The following CDYL variants were observed in gnomAD, a reference collection of about 807,000 sequenced individuals.
CDYL encodes chromodomain Y like, also known as chromodomain Y-like protein.
CDYL carries 8 observed loss-of-function variants against 47.3 expected under a neutral mutation model. The ratio of observed to expected loss-of-function variants is 0.17; its 90% confidence interval spans 0.10 to 0.31. CDYL has a LOEUF of 0.31. CDYL is among the 10% of genes least tolerant of loss of function. The pLI, the probability that CDYL is intolerant of heterozygous loss-of-function variation, is 1.00. For missense variants in CDYL, 471 were observed against 701.4 expected (o/e 0.67, Z 3.71); for synonymous variants, 266 against 265.0 (o/e 1.00, Z -0.04).
At chr6:4,859,970 C>T (rs1055482814) in intron 1 of CDYL, among the ~76,000 whole-genome samples, 5 of 151,128 alleles carry the variant, frequency 3.3e-5, no homozygotes, top group East Asian at 1.9e-4. Flanking sequence ...GGCGCAATCT[C>T]GGCTCACTGC....
intron 2 of CDYL, among the ~76,000 whole-genome samples, chr6:4,910,089 G>A (rs1452713439): frequency 2.6e-5 from 4 of 151,284 alleles, no homozygotes. Context: ...AGCACAGACG[G>A]CACTTCCTGG....
At chr6:4,865,496 T>C (rs1445368913) in intron 1 of CDYL, among the ~76,000 whole-genome samples, 1 of 152,196 alleles carries the variant, frequency 6.6e-6, no homozygotes, top group Non-Finnish European at 1.5e-5. Flanking sequence ...ATTGCCTTGC[T>C]CAGAAAAGGA....
intron 1 of CDYL, among the ~76,000 whole-genome samples, chr6:4,837,957 A>T (rs1406830281): frequency 6.2e-5 from 9 of 145,398 alleles, no homozygotes; most frequent in African/African-American, 1.3e-4. Context: ...TTTTTTTTTT[A>T]AATAGAGATG....
exon 1 of CDYL, chr6:4,706,189 T>C (rs1757042633): frequency 6.6e-6 from 1 of 152,060 alleles, no homozygotes; most frequent in South Asian, 2.1e-4. Flanking sequence ...CCTAAGGACA[T>C]TCCCGGAAGG....
At chr6:4,878,455 T>G (rs1299393089) in intron 1 of CDYL, among the ~76,000 whole-genome samples, 2 of 151,876 alleles carry the variant, frequency 1.3e-5, no homozygotes, top group African/African-American at 4.8e-5. Flanking sequence ...ATATACAATT[T>G]TATATGTGTA....
intron 2 of CDYL, among the ~76,000 whole-genome samples, chr6:4,898,966 A>G (rs368274682): frequency 7.9e-5 from 12 of 152,170 alleles, no homozygotes; most frequent in African/African-American, 2.9e-4. Context: ...CATGCTCGTA[A>G]TGTATCACTT....
chr6:4,907,954 C>G (rs1473743290), intron 2 of CDYL, among the ~76,000 whole-genome samples: 1 of 152,098 alleles, frequency 6.6e-6, no homozygotes, highest in South Asian at 2.1e-4. Flanking sequence ...CAGTTTGGCC[C>G]CCCTTGAGCT....
At chr6:4,758,481 C>T (rs1407421146) in intron 3 of CDYL, among the ~76,000 whole-genome samples, 1 of 151,482 alleles carries the variant, frequency 6.6e-6, no homozygotes, top group Non-Finnish European at 1.5e-5. Context: ...GCCAAAGTGA[C>T]AAAACCCATC....
chr6:4,928,732 A>G (rs942836382), intron 2 of CDYL: 1 of 151,974 alleles, frequency 6.6e-6, no homozygotes, highest in African/African-American at 2.4e-5. Flanking sequence ...TTAAGAGGTA[A>G]TTTGTTAATG....
chr6:4,728,688 T>C (rs1468690371), intron 2 of CDYL, among the ~76,000 whole-genome samples: 1 of 152,144 alleles, frequency 6.6e-6, no homozygotes, highest in Admixed American at 6.5e-5. Flanking sequence ...AGCAAGCCCC[T>C]GGACAGAGGG....
chr6:4,807,819 T>G, intron 1 of CDYL, among the ~76,000 whole-genome samples: 1 of 152,050 alleles, frequency 6.6e-6, no homozygotes, highest in Non-Finnish European at 1.5e-5. Flanking sequence ...TTGCCCGTGC[T>G]GGTCTTGAAC....
intron 1 of CDYL, among the ~76,000 whole-genome samples, chr6:4,854,294 C>CT (rs977036954): frequency 5.9e-5 from 9 of 152,342 alleles, no homozygotes; most frequent in Admixed American, 5.2e-4. Flanking sequence ...CTCAGATCCT[C>CT]TTTAAGATGT....
chr6:4,912,289 AT>A (rs1358278026), intron 2 of CDYL, among the ~76,000 whole-genome samples: 5 of 151,650 alleles, frequency 3.3e-5, no homozygotes, highest in African/African-American at 9.7e-5. Flanking sequence ...GGTGAATCTG[AT>A]TTGACCCATT....
intron 1 of CDYL, chr6:4,890,230 A>G: frequency 1.1e-6 from 1 of 877,028 alleles, no homozygotes; most frequent in Non-Finnish European, 1.4e-6. Flanking sequence ...TTCTGCAAAA[A>G]CGTCATCTAT....
intron 3 of CDYL, among the ~76,000 whole-genome samples, chr6:4,761,616 A>G (rs1283089030): frequency 6.6e-6 from 1 of 152,214 alleles, no homozygotes; most frequent in African/African-American, 2.4e-5. Flanking sequence ...TGCTGGGATT[A>G]CAGGCATGAG....
At chr6:4,846,128 A>C (rs186823692) in intron 1 of CDYL, among the ~76,000 whole-genome samples, 7 of 152,226 alleles carry the variant, frequency 4.6e-5, no homozygotes, top group African/African-American at 1.4e-4. Flanking sequence ...CAATTTTATA[A>C]ATGCAAATTC....
At position 4,885,715 on chromosome 6, in the gene CDYL, T is replaced by G. The variant is rs115056359; in HGVS notation, c.25-5998T>G. Among the ~76,000 whole-genome samples, 1,286 of 152,358 alleles carry G rather than the reference T, an allele frequency of 8.4e-3. 22 individuals carry two copies. Among genetic ancestry groups the G allele is most frequent in the African/African-American group, 0.03 (1,236 of 41,582 alleles). ...TTTAGCTCTTATTCTTCTGAAAGTG[T>G]CTTTATTTCACTTCCCCCTTTCTTT... On this transcript the variant is annotated intron_variant, in intron 1 of 6. Coordinates refer to ENST00000397588, the MANE Select transcript of CDYL (RefSeq NM_004824.4).
intron 2 of CDYL, among the ~76,000 whole-genome samples, chr6:4,933,385 C>A (rs1180286885): frequency 6.6e-6 from 1 of 152,286 alleles, no homozygotes; most frequent in East Asian, 1.9e-4. Flanking sequence ...TGTGGAAGCC[C>A]CTCTTCCGCT....
chr6:4,887,896 T>TA (rs1345420510), intron 1 of CDYL, among the ~76,000 whole-genome samples: 2 of 151,738 alleles, frequency 1.3e-5, no homozygotes, highest in Non-Finnish European at 2.9e-5. Flanking sequence ...TTTTTTTTTT[T>TA]AATCATGAAG....
Sources: allele counts gnomAD v4.1 joint callset (sites outside exome capture counted in the v4.1 genomes callset), GRCh38; gene constraint gnomAD v4.1.1; transcripts MANE v1.5; gene names NCBI Gene and HGNC (gene_info 2026-07-23, HGNC 2026-07-21).